The following PAK6 variants were observed in gnomAD, a reference collection of about 807,000 sequenced individuals.
The protein encoded by PAK6 is p21 (RAC1) activated kinase 6.
PAK6 carries 33 observed loss-of-function variants against 60.8 expected under a neutral mutation model. The ratio of observed to expected loss-of-function variants is 0.54; its 90% CI spans 0.41 to 0.73. PAK6 has a LOEUF of 0.73. PAK6 is among the 30% of genes least tolerant of loss of function. The pLI is 0.00. For synonymous variants in PAK6, 404 were observed against 378.5 expected, an observed-to-expected ratio of 1.07 and a Z score of -0.78; for missense variants, 845 against 904.1, an observed-to-expected ratio of 0.93 and a Z score of 0.84.
Position 40,272,850 on chromosome 15 carries a change from C to A in PAK6, c.1357-16C>A. 1.2e-6 allele frequency: 2 copies of A among 1,612,274 alleles called. No individual in the cohort carries two copies. Among genetic ancestry groups the A allele is most frequent in the South Asian group, 1.1e-5 (1 of 90,898 alleles). On this transcript the variant is annotated splice_polypyrimidine_tract_variant and intron_variant, in intron 6 of 10. Transcript: ENST00000560346. ...TGGGCACTGTGCCTGGCACTCAGGC[C>A]CCCGCCTGCCCCCAGGTGGTGATCA...
chr15:40,274,442 G>A (rs911080312), intron 10 of PAK6, among the ~76,000 whole-genome samples, 166 bp downstream of exon 10: 2 of 152,244 alleles, frequency 1.3e-5, no homozygotes, highest in African/African-American at 2.4e-5. Flanking sequence ...GTGTGGAGCC[G>A]CATCTACGCA....
chr15:40,253,284 C>G (rs769193602), exon 3 of PAK6: 1 of 455,542 alleles, frequency 2.2e-6, no homozygotes, highest in African/African-American at 2.0e-5. Flanking sequence ...CGGAAGGCGC[C>G]GGAAGGTGAG....
chr15:40,277,196 CT>C (rs1319698868), exon 11 of PAK6: 1 of 152,322 alleles, frequency 6.6e-6, no homozygotes, highest in Non-Finnish European at 1.5e-5. Flanking sequence ...TGCAAACCAT[CT>C]GCCCCAGCTG....
At chr15:40,272,655 C>A (rs760750245) in exon 6 of PAK6, 144 of 1,606,084 alleles carry the variant, frequency 9.0e-5, no homozygotes, top group Non-Finnish European at 1.2e-4. Flanking sequence ...AGCACTCGGG[C>A]CGCCAGGTGG....
At chr15:40,254,810 T>C (rs1176622976) in intron 3 of PAK6, among the ~76,000 whole-genome samples, 1 of 152,242 alleles carries the variant, frequency 6.6e-6, no homozygotes, top group Non-Finnish European at 1.5e-5. Context: ...GTAGCTACAA[T>C]TAGCCATTAG....
chr15:40,266,655 T>G, intron 5 of PAK6, 160 bp downstream of exon 5: 2 of 583,268 alleles, frequency 3.4e-6, no homozygotes, highest in Non-Finnish European at 5.6e-6. Flanking sequence ...CTAAGGAGGG[T>G]GGCTCGCCTC....
intron 2 of PAK6, among the ~76,000 whole-genome samples, chr15:40,243,129 T>C (rs1466704177): frequency 6.6e-6 from 1 of 152,222 alleles, no homozygotes; most frequent in East Asian, 1.9e-4. Flanking sequence ...CCAGCCCAGA[T>C]AATTTATAAA....
intron 2 of PAK6, among the ~76,000 whole-genome samples, chr15:40,247,700 C>T (rs11638855): frequency 0.36 from 54,782 of 152,022 alleles, 10,745 homozygotes; most frequent in South Asian, 0.47. Flanking sequence ...AGCAGCCGGG[C>T]GGGGACCCAT....
intron 3 of PAK6, among the ~76,000 whole-genome samples, chr15:40,256,353 T>A (rs557207178): frequency 6.6e-6 from 1 of 152,266 alleles, no homozygotes; most frequent in South Asian, 2.1e-4. Context: ...AGGGGTCAGG[T>A]GAGGCCTGTC....
intron 10 of PAK6, 76 bp from the exon 11 acceptor site, chr15:40,275,851 A>G (rs975568316): frequency 5.8e-6 from 8 of 1,381,156 alleles, no homozygotes; most frequent in Non-Finnish European, 8.0e-6. Flanking sequence ...CTTTCAAACA[A>G]TGATAAGTCC....
At chr15:40,272,753 C>T (rs564545343) in intron 6 of PAK6, 32 bp downstream of exon 6, 12 of 1,576,884 alleles carry the variant, frequency 7.6e-6, no homozygotes, top group South Asian at 5.8e-5. Flanking sequence ...CAGACGGGGG[C>T]GTTGGGGATG....
exon 6 of PAK6, chr15:40,272,367 C>A (rs1003180843): frequency 1.9e-6 from 3 of 1,613,618 alleles, no homozygotes; most frequent in Non-Finnish European, 2.5e-6. Context: ...AGTCCCTCCG[C>A]ACAGCCCCGG....
At position 40,272,861 on chromosome 15, in the gene PAK6, C is replaced by G; in HGVS notation, c.1357-5C>G. 1.9e-6 allele frequency: 3 copies of G among 1,613,376 alleles called. No homozygotes were observed. The highest frequency in any genetic ancestry group is 2.5e-6 in the Non-Finnish European group (3 of 1,179,688). Reference sequence around the variant, plus strand: ...CCTGGCACTCAGGCCCCCGCCTGCCCCCAGGTGGTGATCATGCGGGACTAC... The same window carrying G: ...CCTGGCACTCAGGCCCCCGCCTGCCGCCAGGTGGTGATCATGCGGGACTAC... On this transcript the variant is annotated splice_polypyrimidine_tract_variant and splice_region_variant and intron_variant, in intron 6 of 10. Transcript: ENST00000560346.
Position 40,272,411 on chromosome 15 carries a change from C to T in PAK6, c.1046C>T (p.Ala349Val), listed in dbSNP as rs201684963. ...CAGCTTCCAGGCCGGTCTTCCCCAG[C>T]GGGATCCCCCCGCACCTGGCACGCC... The change falls in exon 6 of 11, where the codon GCG becomes GTG. Residue 349 changes from alanine to valine, a missense_variant. Coordinates refer to ENST00000560346, the Ensembl canonical transcript of PAK6. The T allele has an allele frequency of 2.8e-5, 45 of 1,613,560 alleles. No homozygotes were observed. The East Asian group carries it at 4.2e-4, about 15-fold the overall frequency.
intron 3 of PAK6, among the ~76,000 whole-genome samples, chr15:40,254,797 G>A (rs938105215): frequency 2.6e-5 from 4 of 152,218 alleles, no homozygotes; most frequent in Non-Finnish European, 4.4e-5. Context: ...AACAGAGCTC[G>A]CAGTAGCTAC....
At chr15:40,273,201 C>T in intron 7 of PAK6, 145 bp from the exon 8 acceptor site, 26 of 1,165,794 alleles carry the variant, frequency 2.2e-5, no homozygotes, top group Non-Finnish European at 3.1e-5. Context: ...CAGTTTTCAC[C>T]AGGGCTATGG....
exon 6 of PAK6, chr15:40,272,715 C>T (rs770511787): frequency 2.5e-6 from 4 of 1,586,960 alleles, no homozygotes; most frequent in Admixed American, 1.7e-5. Flanking sequence ...AGCTGCTCTT[C>T]AACGAGGTGG....
At chr15:40,275,945 G>A in exon 11 of PAK6, 1 of 1,613,182 alleles carries the variant, frequency 6.2e-7, no homozygotes, top group Non-Finnish European at 8.5e-7. Context: ...AGTGCTGCGA[G>A]ACTTCCTGGA....
intron 2 of PAK6, among the ~76,000 whole-genome samples, chr15:40,242,669 C>T (rs573088500): frequency 1.1e-4 from 16 of 152,112 alleles, no homozygotes; most frequent in Non-Finnish European, 1.8e-4. Flanking sequence ...CTGCCCAGGG[C>T]GAGCAGTCTG....
Sources: allele counts gnomAD v4.1 joint callset (sites outside exome capture counted in the v4.1 genomes callset), GRCh38; gene constraint gnomAD v4.1.1; transcripts MANE v1.5; gene names NCBI Gene and HGNC (gene_info 2026-07-23, HGNC 2026-07-21).